Variants in PHRF1 observed in about 807,000 individuals in gnomAD.
PHRF1 encodes the protein PHD and RING finger domain-containing protein 1.
PHRF1 carries 53 observed loss-of-function variants against 128.9 expected under a neutral mutation model. That is an observed-to-expected ratio of 0.41 (90% CI 0.33 to 0.52). PHRF1 has a LOEUF of 0.52. PHRF1 is among the 20% of genes least tolerant of loss of function. PHRF1 has a pLI of 0.21. For synonymous variants in PHRF1, 1,178 were observed against 980.6 expected, an observed-to-expected ratio of 1.20 and a Z score of -3.76; for missense variants, 2,503 against 2,284.5, an observed-to-expected ratio of 1.10 and a Z score of -1.95.
At chr11:588,711 C>A (rs540834873) in intron 4 of PHRF1, among the ~76,000 whole-genome samples, 5 of 151,564 alleles carry the variant, frequency 3.3e-5, no homozygotes, top group Admixed American at 6.6e-5. Flanking sequence ...GTAGATTTTT[C>A]TTTTGGCAAG....
intron 13 of PHRF1, chr11:606,851 G>T (rs551239520): frequency 2.2e-6 from 2 of 902,128 alleles, no homozygotes; most frequent in East Asian, 5.3e-5. Flanking sequence ...GGTTAATATC[G>T]TGTCCTGATG....
chr11:611,502 CGTCT>C (rs1856400753), intron 17 of PHRF1, 128 bp from the exon 18 acceptor site: 1 of 1,309,770 alleles, frequency 7.6e-7, no homozygotes, highest in South Asian at 1.4e-5. Flanking sequence ...CCTCTGCCGC[CGTCT>C]GTCTGCGTGC....
intron 1 of PHRF1, among the ~76,000 whole-genome samples, chr11:580,350 G>T (rs1484115570): frequency 2.6e-5 from 4 of 152,244 alleles, no homozygotes; most frequent in Non-Finnish European, 5.9e-5. Flanking sequence ...ACGGGATCCT[G>T]TGTGGTTTCA....
Position 607,545 on chromosome 11 carries a change from G to T in PHRF1, c.2089G>T (p.Ala697Ser), listed in dbSNP as rs772216192. Reference sequence around the variant, plus strand: ...TGACGGTGGTGGCAGACGGGATGCGGCCCCGGCCCACGGGCAGAGCATTGA... The same window carrying T: ...TGACGGTGGTGGCAGACGGGATGCGTCCCCGGCCCACGGGCAGAGCATTGA... ...RDDGGGRRDA[A>S]PAHGQSIEIP... The change falls in exon 14 of 18, where the codon GCC becomes TCC. Residue 697 changes from alanine (A) to serine (S), a missense_variant. Physicochemically the swap from Ala to Ser is moderately conservative, Grantham distance 99. Coordinates refer to ENST00000264555, the MANE Select transcript of PHRF1 (RefSeq NM_001286581.2). 5.0e-6 allele frequency: 8 copies of T among 1,612,616 alleles called. No homozygotes were observed. The highest frequency in any genetic ancestry group is 6.8e-6 in the Non-Finnish European group (8 of 1,179,884).
At chr11:580,769 A>G (rs1032300253) in intron 1 of PHRF1, among the ~76,000 whole-genome samples, 1 of 151,824 alleles carries the variant, frequency 6.6e-6, no homozygotes, top group African/African-American at 2.4e-5. Context: ...GCTCACTGCA[A>G]CCTCCGCCTC....
chr11:589,386 ATGTGT>A (rs1481877508), intron 4 of PHRF1, among the ~76,000 whole-genome samples: 2 of 152,176 alleles, frequency 1.3e-5, no homozygotes, highest in Non-Finnish European at 2.9e-5. Flanking sequence ...AGGGTGCTTG[ATGTGT>A]TGTGAAGTCA....
Position 608,050 on chromosome 11 carries a change from T to G in PHRF1, c.2594T>G (p.Ile865Ser). The G allele has an allele frequency of 1.2e-6, 2 of 1,611,404 alleles. No homozygotes were observed. The highest frequency in any genetic ancestry group is 4.5e-5 in the East Asian group (2 of 44,860). Residue 865 changes from isoleucine (I) to serine (S), a missense_variant, in exon 14 of 18, where the codon ATC becomes AGC. Transcript: ENST00000264555. The part of the protein sequence containing the change: ...LPSEITRTIS[I>S]NSPKAQTVQA... ...TCTGAGATCACACGAACCATCTCCA[T>G]CAACAGCCCGAAGGCCCAGACGGTG...
Position 581,591 on chromosome 11 carries a change from C to G in PHRF1, c.79C>G (p.Pro27Ala). ...ACACCCACAGGTCGGCCCTGCGGAC[C>G]CGGCAGGTGACTTTGGTGAGCTGCC... is the stretch of plus-strand genomic sequence containing the variant. Reference protein sequence around the residue: ...DGHPQVGPADPAGDFEESSVG... With the variant: ...DGHPQVGPADAAGDFEESSVG... The change falls in exon 2 of 18, where the codon CCG becomes GCG. Residue 27 changes from proline to alanine, a missense_variant. Transcript: ENST00000264555. The G allele has an allele frequency of 6.2e-7, 1 of 1,612,758 alleles. No individual in the cohort carries two copies. The highest frequency in any genetic ancestry group is 8.5e-7 in the Non-Finnish European group (1 of 1,179,624).
intron 4 of PHRF1, 31 bp downstream of exon 4, chr11:587,495 C>T (rs753087315): frequency 4.4e-6 from 7 of 1,606,844 alleles, no homozygotes; most frequent in Non-Finnish European, 5.1e-6. Flanking sequence ...GTGCTTCCTC[C>T]CTTCAGGATG....
intron 1 of PHRF1, among the ~76,000 whole-genome samples, chr11:577,217 G>A (rs1853919909): frequency 6.6e-6 from 1 of 152,234 alleles, no homozygotes; most frequent in Non-Finnish European, 1.5e-5. Context: ...TTACAGAGGA[G>A]GGGATTGGAG....
At chr11:581,451 C>G (rs1287987835) in intron 1 of PHRF1, 41 bp from the exon 2 acceptor site, 2 of 1,582,092 alleles carry the variant, frequency 1.3e-6, no homozygotes, top group Non-Finnish European at 1.7e-6. Flanking sequence ...TCTTTGCAGC[C>G]TGGGACAGTT....
At chr11:598,651 C>T (rs1372837462) in intron 9 of PHRF1, 149 bp downstream of exon 9, 16 of 1,283,674 alleles carry the variant, frequency 1.2e-5, no homozygotes, top group Admixed American at 5.5e-5. Flanking sequence ...ACAGAAGCCG[C>T]GCCGGGCCCG....
In PHRF1 at chr11:611,925, C is replaced by T; in HGVS notation, c.*148C>T. 1 of 1,326,516 alleles carries T rather than the reference C, an allele frequency of 7.5e-7. No individual in the cohort carries two copies. Among genetic ancestry groups the T allele is most frequent in the Non-Finnish European group, 1.0e-6 (1 of 992,138 alleles). The allele number at this position is 1,326,516 out of a possible 1,614,324, so 82.2% of individuals were successfully genotyped here. On this transcript the variant is annotated 3_prime_UTR_variant, in exon 18 of 18. Coordinates refer to ENST00000264555, the MANE Select transcript of PHRF1 (RefSeq NM_001286581.2). ...CGGGAAATGGGGGGCATCACCATGC[C>T]TGCCGTCGGGTTCCTGCGCTGACAC...
chr11:605,190 C>A lies in PHRF1; in HGVS notation c.1224C>A (p.Ile408=). 1 of 1,613,612 alleles carries A rather than the reference C, an allele frequency of 6.2e-7. No homozygotes were observed. Among genetic ancestry groups the A allele is most frequent in the Non-Finnish European group, 8.5e-7 (1 of 1,179,872 alleles). ...GLRRPVHSSC[I]PSVLKPVEPS... is the part of the protein sequence containing the mutation. ...GCAGGCCTGTTCACAGCAGCTGCAT[C>A]CCGTCAGTGTTGAAGCCAGTGGAGC... is the stretch of plus-strand genomic sequence containing the variant. The change falls in exon 11 of 18, where the codon ATC becomes ATA. Residue 408 remains isoleucine, a synonymous_variant. Transcript: ENST00000264555.
rs200089387 is a variant in PHRF1, at chr11:592,657, C to T, written c.603C>T (p.Cys201=). The T allele has an allele frequency of 2.5e-5, 40 of 1,614,046 alleles. No individual in the cohort carries two copies. In the East Asian group the frequency reaches 3.8e-4, roughly 15 times the overall value. ...RSDREDRLLL[C]DGCDAGYHME... is the part of the protein sequence containing the mutation. The stretch of plus-strand genomic sequence containing the variant: ...ACCGTGAGGACAGGCTTTTGCTCTG[C>T]GACGGCTGCGATGCGGGGTAAGGGA... The change falls in exon 6 of 18, where the codon TGC becomes TGT. Residue 201 remains cysteine (C), a synonymous_variant. Coordinates refer to ENST00000264555, the MANE Select transcript of PHRF1 (RefSeq NM_001286581.2).
intron 1 of PHRF1, among the ~76,000 whole-genome samples, chr11:579,254 C>CCCCCCAGCCCTGCTTT (rs1554900877): frequency 5.8e-4 from 87 of 149,552 alleles, no homozygotes; most frequent in Non-Finnish European, 1.1e-3. Context: ...AGCCCTGCTC[C>CCCCCCAGCCCTGCTTT]TCCCCCCAGC....
In PHRF1 at chr11:607,938, G is replaced by A; in HGVS notation, c.2482G>A (p.Glu828Lys). The A allele has an allele frequency of 1.2e-6, 2 of 1,612,380 alleles. No individual in the cohort carries two copies. The highest frequency in any genetic ancestry group is 1.7e-6 in the Non-Finnish European group (2 of 1,179,848). Residue 828 changes from glutamate to lysine, a missense_variant, in exon 14 of 18, where the codon GAG (glutamate) becomes AAG (lysine). Glu to Lys is a moderately conservative substitution (Grantham distance 56). Transcript: ENST00000264555. ...SIKKTKQLRS[E>K]VYDPSDPTGS... ...CAAGAAGACGAAGCAGCTGCGGAGC[G>A]AGGTCTACGACCCATCCGACCCCAC...
chr11:597,815 C>T lies in PHRF1; in HGVS notation c.894+245C>T, dbSNP rs889305456. ...AGGGGCAGGTGAAGCCTGGCCCTGG[C>T]GGGGTGGGGGCTCTAGGAAACCCCC... On this transcript the variant is annotated intron_variant, in intron 8 of 17. Transcript: ENST00000264555. The surrounding 1 kb of genome is among the most constrained non-coding windows in gnomAD (Gnocchi z 6.5). 6.6e-5 allele frequency among the ~76,000 whole-genome samples: 10 copies of T among 152,264 alleles called. No individual in the cohort carries two copies. The East Asian group carries it at 1.7e-3, about 26-fold the overall frequency.
Position 606,590 on chromosome 11 carries a change from A to G in PHRF1, c.1603A>G (p.Arg535Gly). The change falls in exon 13 of 18, where the codon AGG becomes GGG. Residue 535 changes from arginine to glycine, a missense_variant. Arg to Gly is a moderately radical substitution (Grantham distance 125). Transcript: ENST00000264555. Reference protein sequence around the residue: ...IHRDGSLSAKRAAPVSFQRNS... With the variant: ...IHRDGSLSAKGAAPVSFQRNS... Reference sequence around the variant, plus strand: ...CCGCGACGGCTCCCTCAGCGCCAAGAGGGCGGGTGAGTGCCTTCCCTGCCA... The same window carrying G: ...CCGCGACGGCTCCCTCAGCGCCAAGGGGGCGGGTGAGTGCCTTCCCTGCCA... The G allele has an allele frequency of 6.2e-7, 1 of 1,601,446 alleles. No homozygotes were observed. Among genetic ancestry groups the G allele is most frequent in the Non-Finnish European group, 8.5e-7 (1 of 1,173,784 alleles).
Sources: gnomAD v4.1 joint callset for allele counts (sites outside exome capture counted in the v4.1 genomes callset) on GRCh38, gnomAD v4.1.1 for gene constraint, Gnocchi (gnomAD v3.1) non-coding constraint, MANE v1.5 for transcripts, NCBI Gene and HGNC (gene_info 2026-07-23, HGNC 2026-07-21) for gene names.